GREP1: variants seen among roughly 807,000 people sequenced by gnomAD.
GREP1 encodes glycine-rich extracellular protein 1.
chr16:2,995,864 G>T, exon 18 of GREP1: 1 of 398,306 alleles, frequency 2.5e-6, no homozygotes, highest in Non-Finnish European at 4.4e-6. Context: ...CAGGATATGG[G>T]AAAAGGCTGA....
rs145285400 is a variant in GREP1 at position 2,995,785 on chromosome 16, G to A, written c.622+14G>A. 1.8e-4 allele frequency: 72 copies of A among 398,570 alleles called. 2 individuals carry two copies. In the South Asian group the frequency reaches 2.2e-3, roughly 12 times the overall value. 24.7% of individuals were successfully genotyped at this position (398,570 alleles called of 1,614,324 possible). On this transcript the variant is annotated intron_variant, in intron 17 of 34. Coordinates refer to ENST00000573315, the Ensembl canonical transcript of GREP1. ...CTCTGAAGCCAGGTGAGCCCCGCCC[G>A]CCCTGGTCTGCCTCTCTATGCACGA...
At chr16:2,997,808 G>A (rs2072434200) in exon 23 of GREP1, 10 of 398,346 alleles carry the variant, frequency 2.5e-5, no homozygotes. Flanking sequence ...TCCAGGTGCT[G>A]GAGAGGGCAT....
chr16:2,995,406 AG>A lies in GREP1; in HGVS notation c.525del (p.Asn176MetfsTer5), dbSNP rs2072419353. On this transcript the variant is annotated frameshift_variant, in exon 15 of 35. Coordinates refer to ENST00000573315, the Ensembl canonical transcript of GREP1. LOFTEE classifies it high-confidence loss of function. ...CCACCTCCATCTGTCCCCCAGGATTAGGGAATGGGAATGGGCTGAGTGCTCA... is the reference window on the plus strand; with the variant it reads ...CCACCTCCATCTGTCCCCCAGGATTAGGAATGGGAATGGGCTGAGTGCTCA... 1 of 398,744 alleles carries A rather than the reference AG, an allele frequency of 2.5e-6. No individual in the cohort carries two copies. The highest frequency in any genetic ancestry group is 4.4e-6 in the Non-Finnish European group (1 of 226,012). 24.7% of individuals were successfully genotyped at this position (398,744 alleles called of 1,614,324 possible).
At chr16:2,996,413 C>T (rs1330146027) in intron 18 of GREP1, 83 bp from the exon 18 acceptor site, 5 of 398,358 alleles carry the variant, frequency 1.3e-5, no homozygotes, top group Non-Finnish European at 2.2e-5. Flanking sequence ...GGCCCTGGGC[C>T]CCCGCCCTGT....
In GREP1 at chr16:2,990,135, G is replaced by A; in HGVS notation, c.199+13G>A. 2.5e-6 allele frequency: 1 copy of A among 399,242 alleles called. No individual in the cohort carries two copies. 24.7% of individuals were successfully genotyped at this position (399,242 alleles called of 1,614,324 possible). On this transcript the variant is annotated intron_variant, in intron 5 of 34. Transcript: ENST00000573315. ...GGAACCCAGCCAGGTGAGAGCCGTG[G>A]GGTCCCCTCCTTCCCTCCCTCCCAG...
At chr16:3,000,045 C>T (rs937855609) in intron 28 of GREP1, 41 bp from the exon 26 acceptor site, 30 of 398,914 alleles carry the variant, frequency 7.5e-5, no homozygotes, top group African/African-American at 5.3e-4. Context: ...CTGTGGCTCT[C>T]GCTGACCCCC....
intron 33 of GREP1, 74 bp downstream of exon 27, chr16:3,000,901 C>G (rs1280224056): frequency 1.5e-5 from 6 of 397,558 alleles, no homozygotes; most frequent in African/African-American, 8.3e-5. Context: ...GGGCCCAGGT[C>G]TACCCACAGC....
At chr16:2,999,229 C>T (rs1567399185) in intron 26 of GREP1, 1 of 398,546 alleles carries the variant, frequency 2.5e-6, no homozygotes, top group Non-Finnish European at 4.4e-6. Context: ...CGGCTGGGCT[C>T]ACTCCTGCCC....
chr16:2,991,314 G>A lies in GREP1; in HGVS notation c.322+213G>A. The A allele has an allele frequency of 2.6e-6, 1 of 389,748 alleles. No homozygotes were observed. Among genetic ancestry groups the A allele is most frequent in the East Asian group, 3.6e-5 (1 of 27,516 alleles). The allele number at this position is 389,748 out of a possible 1,614,324, so 24.1% of individuals were successfully genotyped here. A position where few individuals can be genotyped will look rare whatever the true frequency, so the allele number is the denominator to read the frequency against. ...CCCCGCCTTGCCCACTTATATCCAGGCGCCTCTGGGTCCCTCAAGCCTGCC... is the reference window on the plus strand; with the variant it reads ...CCCCGCCTTGCCCACTTATATCCAGACGCCTCTGGGTCCCTCAAGCCTGCC... On this transcript the variant is annotated intron_variant, in intron 8 of 34. Transcript: ENST00000573315. This position sits in a 1 kb window ranked among gnomAD's most constrained non-coding sequence, Gnocchi z 4.9.
exon 24 of GREP1, chr16:2,998,371 T>G (rs771470193): frequency 6.5e-5 from 26 of 399,186 alleles, no homozygotes; most frequent in Non-Finnish European, 1.0e-4. Context: ...CGAGGGACCT[T>G]GAAGCCTCAG....
Position 2,991,115 on chromosome 16 carries a change from G to GTGTGGCAGGTGTGGCA in GREP1, c.322+14_322+15insTGTGGCAGGTGTGGCA. On this transcript the variant is annotated intron_variant, in intron 8 of 34. Coordinates refer to ENST00000573315, the Ensembl canonical transcript of GREP1. The surrounding 1 kb of genome is among the most constrained non-coding windows in gnomAD (Gnocchi z 4.9). ...GAGCCCAGTCAGGTGAGGAAACGTCGGGTGTGGCAGGACCTGGGCTTCCAG... is the reference window on the plus strand; with the variant it reads ...GAGCCCAGTCAGGTGAGGAAACGTCGTGTGGCAGGTGTGGCAGGTGTGGCAGGACCTGGGCTTCCAG... The GTGTGGCAGGTGTGGCA allele has an allele frequency of 2.5e-6, 1 of 399,234 alleles. No individual in the cohort carries two copies. Among genetic ancestry groups the GTGTGGCAGGTGTGGCA allele is most frequent in the Non-Finnish European group, 4.4e-6 (1 of 226,274 alleles). 24.7% of individuals were successfully genotyped at this position (399,234 alleles called of 1,614,324 possible). A position where few individuals can be genotyped will look rare whatever the true frequency, so the allele number is the denominator to read the frequency against.
intron 2 of GREP1, chr16:2,988,870 T>G (rs2072384565): frequency 2.6e-6 from 1 of 384,072 alleles, no homozygotes; most frequent in South Asian, 1.5e-4. Flanking sequence ...CTGAGAAGGG[T>G]GGGCAGGTGT....
At chr16:2,995,003 G>A in intron 13 of GREP1, 41 bp downstream of exon 14, 1 of 399,118 alleles carries the variant, frequency 2.5e-6, no homozygotes, top group Non-Finnish European at 4.4e-6. Context: ...TCTGCATCTG[G>A]GCGGCCTCTT....
At chr16:3,000,373 T>C (rs943605609) in intron 30 of GREP1, 1 of 398,940 alleles carries the variant, frequency 2.5e-6, no homozygotes. Context: ...GGAGCAGGGG[T>C]CGGGGTGGGA....
chr16:2,998,640 C>T, intron 25 of GREP1, 117 bp downstream of exon 23: 1 of 398,104 alleles, frequency 2.5e-6, no homozygotes, highest in Non-Finnish European at 4.4e-6. Flanking sequence ...ATCCCTCTAT[C>T]CCCTGCCTGG....
chr16:2,998,301 C>T (rs1726346950), intron 23 of GREP1, 55 bp from the exon 22 acceptor site: 1 of 398,936 alleles, frequency 2.5e-6, no homozygotes, highest in Non-Finnish European at 4.4e-6. Flanking sequence ...GAGGGGTTCA[C>T]TACACTCCTC....
At chr16:2,999,676 T>C (rs371766933) in intron 27 of GREP1, among the ~76,000 whole-genome samples, 1 of 152,114 alleles carries the variant, frequency 6.6e-6, no homozygotes, top group Non-Finnish European at 1.5e-5. Flanking sequence ...GGTCTCAAAC[T>C]CCTGGCTTCA....
rs1596461045 is a variant in GREP1, at chr16:2,990,136, G to T, written c.199+14G>T. 5.0e-6 allele frequency: 2 copies of T among 399,144 alleles called. No homozygotes were observed. Among genetic ancestry groups the T allele is most frequent in the Non-Finnish European group, 4.4e-6 (1 of 226,136 alleles). The allele number at this position is 399,144 out of a possible 1,614,324, so 24.7% of individuals were successfully genotyped here. On this transcript the variant is annotated intron_variant, in intron 5 of 34. Coordinates refer to ENST00000573315, the Ensembl canonical transcript of GREP1. ...GAACCCAGCCAGGTGAGAGCCGTGGGGTCCCCTCCTTCCCTCCCTCCCAGG... is the reference window on the plus strand; with the variant it reads ...GAACCCAGCCAGGTGAGAGCCGTGGTGTCCCCTCCTTCCCTCCCTCCCAGG...
chr16:3,001,947 G>T, exon 35 of GREP1: 1 of 287,430 alleles, frequency 3.5e-6, no homozygotes, highest in Non-Finnish European at 6.4e-6. Flanking sequence ...CTTGTGCATG[G>T]AAAAGAACAC....
Sources: allele counts gnomAD v4.1 joint callset (sites outside exome capture counted in the v4.1 genomes callset), GRCh38; gene constraint gnomAD v4.1.1; non-coding constraint Gnocchi (gnomAD v3.1); transcripts MANE v1.5; gene names NCBI Gene and HGNC (gene_info 2026-07-23, HGNC 2026-07-21).